The following TCF4 variants were observed in gnomAD, a reference collection of about 807,000 sequenced individuals.
The protein encoded by TCF4 is SL3-3 enhancer factor 2.
TCF4 carries 3 observed loss-of-function variants against 82.1 expected under a neutral mutation model. That is an observed-to-expected ratio of 0.04 (90% CI 0.02 to 0.09). The LOEUF is 0.09. TCF4 is among the 10% of genes least tolerant of loss of function. TCF4 has a pLI of 1.00. For synonymous variants in TCF4, 276 were observed against 309.6 expected (o/e 0.89, Z 1.14); for missense variants, 518 against 852.7 (o/e 0.61, Z 4.89).
intron 5 of TCF4, among the ~76,000 whole-genome samples, chr18:55,421,456 T>G (rs1458159020): frequency 2.0e-5 from 3 of 152,224 alleles, no homozygotes; most frequent in African/African-American, 7.2e-5. Flanking sequence ...TCTCTTCCCT[T>G]AACAAGGCGT....
intron 6 of TCF4, among the ~76,000 whole-genome samples, chr18:55,377,415 T>C (rs921040359): frequency 3.3e-5 from 5 of 152,326 alleles, no homozygotes; most frequent in African/African-American, 1.2e-4. Context: ...CTCTACCTAA[T>C]GGACACGTTT....
chr18:55,284,691 C>T (rs2063325646), intron 8 of TCF4, among the ~76,000 whole-genome samples: 1 of 152,128 alleles, frequency 6.6e-6, no homozygotes. Context: ...ATCACTGAAA[C>T]GTTGTAATTG....
In TCF4 at chr18:55,222,517, G is replaced by A. The variant is rs913234367; in HGVS notation, c.*5518C>T. 11 of 152,346 alleles carry A rather than the reference G, an allele frequency of 7.2e-5. No individual in the cohort carries two copies. The highest frequency in any genetic ancestry group is 2.4e-4 in the African/African-American group (10 of 41,358). 9.4% of individuals were successfully genotyped at this position (152,346 alleles called of 1,614,324 possible). On this transcript the variant is annotated 3_prime_UTR_variant, in exon 20 of 20. Coordinates refer to ENST00000354452, the MANE Select transcript of TCF4 (RefSeq NM_001083962.2). Reference sequence around the variant, plus strand: ...AAATCCCAACATTTGGCTATGGAGGGCACTTCACATGTGAACCAAATGGCG... The same window carrying A: ...AAATCCCAACATTTGGCTATGGAGGACACTTCACATGTGAACCAAATGGCG...
At chr18:55,292,865 C>T (rs1340999273) in intron 8 of TCF4, among the ~76,000 whole-genome samples, 1 of 152,020 alleles carries the variant, frequency 6.6e-6, no homozygotes, top group Non-Finnish European at 1.5e-5. Context: ...ATTATTTACA[C>T]ACATTATACA....
chr18:55,335,914 T>C (rs1385470392), intron 8 of TCF4, among the ~76,000 whole-genome samples: 2 of 151,936 alleles, frequency 1.3e-5, no homozygotes, highest in African/African-American at 2.4e-5. Flanking sequence ...TCATTTTTGA[T>C]AGAATTTTGC....
intron 6 of TCF4, among the ~76,000 whole-genome samples, chr18:55,391,225 G>A (rs2093059369): frequency 6.6e-6 from 1 of 152,180 alleles, no homozygotes; most frequent in South Asian, 2.1e-4. Flanking sequence ...AAATGTAATA[G>A]ATAATATATA....
chr18:55,365,670 T>C (rs2086821834), intron 6 of TCF4, among the ~76,000 whole-genome samples: 1 of 151,926 alleles, frequency 6.6e-6, no homozygotes, highest in South Asian at 2.1e-4. Flanking sequence ...GAGGCCAAGG[T>C]GAGTGGACCA....
At chr18:55,428,389 G>C (rs2095066877) in intron 5 of TCF4, among the ~76,000 whole-genome samples, 1 of 152,058 alleles carries the variant, frequency 6.6e-6, no homozygotes, top group East Asian at 1.9e-4. Context: ...CCATCAACTG[G>C]CATCTCTACA....
chr18:55,577,980 A>G (rs568156013), intron 3 of TCF4, among the ~76,000 whole-genome samples: 1 of 152,256 alleles, frequency 6.6e-6, no homozygotes, highest in South Asian at 2.1e-4. Context: ...GCTGTAACCC[A>G]GGGTCATAAT....
chr18:55,586,043 GCAAAGCT>G, intron 2 of TCF4: 1 of 1,386,028 alleles, frequency 7.2e-7, no homozygotes, highest in Non-Finnish European at 9.5e-7. Context: ...AAAGGGGGCT[GCAAAGCT>G]GCCTGCCTAG....
chr18:55,621,804 ATATTATATAT>A (rs1281116186), intron 2 of TCF4, among the ~76,000 whole-genome samples: 4 of 78,584 alleles, frequency 5.1e-5, no homozygotes, highest in East Asian at 9.6e-4. Flanking sequence ...ATTATATGTT[ATATTATATAT>A]TATATTATAT....
intron 2 of TCF4, among the ~76,000 whole-genome samples, chr18:55,630,478 A>G (rs1400331671): frequency 6.6e-6 from 1 of 152,240 alleles, no homozygotes; most frequent in Non-Finnish European, 1.5e-5. Context: ...GCAGAAAAGA[A>G]AGGAAATATG....
chr18:55,232,640 G>C lies in TCF4; in HGVS notation c.1518C>G (p.Val506=). 2 of 1,614,160 alleles carry C rather than the reference G, an allele frequency of 1.2e-6. No homozygotes were observed. Among genetic ancestry groups the C allele is most frequent in the Non-Finnish European group, 1.7e-6 (2 of 1,180,016 alleles). The change falls in exon 17 of 20, where the codon GTC becomes GTG. Residue 506 remains valine, a synonymous_variant. Transcript: ENST00000354452. The stretch of plus-strand genomic sequence containing the variant: ...ATTTGATCTCAGAGCTGCCAGAGGA[G>C]ACACTCTGCCCCTGTAGTCCTGGTG... ...GMPPGLQGQS[V]SSGSSEIKSD... is the part of the protein sequence containing the mutation.
At chr18:55,547,159 A>AC (rs2097214316) in intron 3 of TCF4, among the ~76,000 whole-genome samples, 1 of 152,252 alleles carries the variant, frequency 6.6e-6, no homozygotes, top group African/African-American at 2.4e-5. Context: ...TGATTTGCTG[A>AC]AGCAAGGAAG....
rs1168157065 is a variant in TCF4 at position 55,622,881 on chromosome 18, C to CTGTGTGTGTGTGTGTG, written c.286+8401_286+8416dup. 3.3e-3 allele frequency among the ~76,000 whole-genome samples: 496 copies of CTGTGTGTGTGTGTGTG among 149,728 alleles called. 4 individuals carry two copies. The highest frequency in any genetic ancestry group is 0.011 in the South Asian group (50 of 4,708). ...AGATTTAAAAACTTCTTTCTCCACT[C>CTGTGTGTGTGTGTGTG]TGTGTGTGTGTGTGTGTGTGTGTTG... On this transcript the variant is annotated intron_variant, in intron 2 of 20. Transcript: ENST00000398339.
chr18:55,600,461 C>T (rs2097695657), intron 2 of TCF4, among the ~76,000 whole-genome samples: 1 of 152,214 alleles, frequency 6.6e-6, no homozygotes. Flanking sequence ...TCCTAGAGTG[C>T]TTCATTGTTC....
At chr18:55,480,284 A>AAG in intron 3 of TCF4, among the ~76,000 whole-genome samples, 1 of 135,868 alleles carries the variant, frequency 7.4e-6, no homozygotes, top group African/African-American at 2.7e-5. Flanking sequence ...TCCAAAAAAA[A>AAG]AAAAAAAAAA....
chr18:55,566,430 C>G (rs2097407348), intron 3 of TCF4, among the ~76,000 whole-genome samples: 1 of 151,740 alleles, frequency 6.6e-6, no homozygotes, highest in African/African-American at 2.4e-5. Context: ...AATTTATACA[C>G]ATAAATAAAT....
chr18:55,386,901 C>A (rs901134763), intron 6 of TCF4, among the ~76,000 whole-genome samples: 3 of 152,188 alleles, frequency 2.0e-5, no homozygotes, highest in Non-Finnish European at 4.4e-5. Flanking sequence ...GTAACAGCAG[C>A]CACATCACAG....
Sources: gnomAD v4.1 joint callset for allele counts (sites outside exome capture counted in the v4.1 genomes callset) on GRCh38, gnomAD v4.1.1 for gene constraint, MANE v1.5 for transcripts, NCBI Gene and HGNC (gene_info 2026-07-23, HGNC 2026-07-21) for gene names.